SV2B: variants seen among roughly 807,000 people sequenced by gnomAD.
SV2B encodes solute carrier family 22 member B2.
SV2B carries 41 observed loss-of-function variants against 73.9 expected under a neutral mutation model. The ratio of observed to expected loss-of-function variants is 0.56; its 90% CI spans 0.43 to 0.72. The LOEUF (loss-of-function observed/expected upper bound fraction) is 0.72. SV2B is among the 30% of genes least tolerant of loss of function. The pLI is 0.00. For synonymous variants in SV2B, 314 were observed against 314.2 expected (o/e 1.00, Z 0.01); for missense variants, 764 against 857.8 (o/e 0.89, Z 1.37).
At chr15:91,248,943 C>G (rs910348646) in intron 2 of SV2B, among the ~76,000 whole-genome samples, 12 of 152,206 alleles carry the variant, frequency 7.9e-5, no homozygotes, top group African/African-American at 2.9e-4. Context: ...CAGCAAATCT[C>G]TGGAGCACTC....
rs894879079 is a variant in SV2B at position 91,223,070 on chromosome 15, G to C, written c.-391-2803G>C. ...GAGAGAATCTGTTGCAGGTTGGGAA[G>C]CCTTAGGCTTGTAGATGGCATTTGT... is the stretch of plus-strand genomic sequence containing the variant. On this transcript the variant is annotated intron_variant, in intron 1 of 12. Coordinates refer to ENST00000394232, the MANE Select transcript of SV2B (RefSeq NM_001323032.3). This position sits in a 1 kb window ranked among gnomAD's most constrained non-coding sequence, Gnocchi z 4.6. Among the ~76,000 whole-genome samples the C allele has an allele frequency of 2.0e-5, 3 of 152,172 alleles. No individual in the cohort carries two copies. Among genetic ancestry groups the C allele is most frequent in the Non-Finnish European group, 2.9e-5 (2 of 68,032 alleles).
At chr15:91,178,709 GT>G (rs1224254736) in intron 1 of SV2B, among the ~76,000 whole-genome samples, 4 of 151,162 alleles carry the variant, frequency 2.6e-5, no homozygotes. Context: ...TCTGGTGGTA[GT>G]TCGTATTTCT....
intron 1 of SV2B, among the ~76,000 whole-genome samples, chr15:91,166,049 C>A (rs1484404905): frequency 6.6e-6 from 1 of 152,156 alleles, no homozygotes; most frequent in South Asian, 2.1e-4. Flanking sequence ...TTTCTGGCTT[C>A]CATGATTTCT....
At chr15:91,198,494 TGTGTAG>T (rs2045339513) in intron 1 of SV2B, among the ~76,000 whole-genome samples, 1 of 151,046 alleles carries the variant, frequency 6.6e-6, no homozygotes, top group Non-Finnish European at 1.5e-5. Flanking sequence ...TGTGTGTGTG[TGTGTAG>T]GTGTGTGTTT....
chr15:91,144,664 A>G (rs2043094305), intron 1 of SV2B, among the ~76,000 whole-genome samples: 1 of 152,214 alleles, frequency 6.6e-6, no homozygotes, highest in African/African-American at 2.4e-5. Flanking sequence ...CCACCAAACC[A>G]TTTGCATTTC....
At chr15:91,160,184 G>A (rs985878877) in intron 1 of SV2B, among the ~76,000 whole-genome samples, 2 of 152,116 alleles carry the variant, frequency 1.3e-5, no homozygotes, top group African/African-American at 4.8e-5. Flanking sequence ...GAATCATAAT[G>A]TTATCTTTTT....
rs996743230 is a variant in SV2B, at chr15:91,118,016, C to T, written c.-392+17653C>T. Among the ~76,000 whole-genome samples the T allele has an allele frequency of 3.9e-5, 6 of 152,036 alleles. No homozygotes were observed. Among genetic ancestry groups the T allele is most frequent in the Non-Finnish European group, 7.4e-5 (5 of 68,006 alleles). Reference sequence around the variant, plus strand: ...GAGGTATCAAAACTGGCTTTGGGACCCACAACTCTAAGCCCCTGGGTCTAT... The same window carrying T: ...GAGGTATCAAAACTGGCTTTGGGACTCACAACTCTAAGCCCCTGGGTCTAT... On this transcript the variant is annotated intron_variant, in intron 1 of 12. Coordinates refer to ENST00000394232, the MANE Select transcript of SV2B (RefSeq NM_001323032.3). This position sits in a 1 kb window ranked among gnomAD's most constrained non-coding sequence, Gnocchi z 4.7.
intron 1 of SV2B, among the ~76,000 whole-genome samples, chr15:91,201,929 A>G (rs1236826392): frequency 1.3e-5 from 2 of 152,092 alleles, no homozygotes; most frequent in Non-Finnish European, 2.9e-5. Context: ...TCTATTCTCA[A>G]CATAGCAGCC....
At chr15:91,205,478 G>A (rs1010151371) in intron 1 of SV2B, among the ~76,000 whole-genome samples, 4 of 151,766 alleles carry the variant, frequency 2.6e-5, no homozygotes, top group African/African-American at 7.3e-5. Flanking sequence ...TGATTTTCCT[G>A]CCTCAGCCAC....
In SV2B at chr15:91,288,030, C is replaced by A. The variant is rs1054391293; in HGVS notation, c.1709-1491C>A. The stretch of plus-strand genomic sequence containing the variant: ...TGGGGAGGGGTACTCCAGCCACCTT[C>A]CCCTCCCAACTGATAAGAAAGTCCA... On this transcript the variant is annotated intron_variant, in intron 11 of 12. Transcript: ENST00000394232. This position sits in a 1 kb window ranked among gnomAD's most constrained non-coding sequence, Gnocchi z 5.8. Among the ~76,000 whole-genome samples the A allele has an allele frequency of 6.6e-6, 1 of 152,112 alleles. No homozygotes were observed. The highest frequency in any genetic ancestry group is 2.1e-4 in the South Asian group (1 of 4,820).
At position 91,121,800 on chromosome 15, in the gene SV2B, A is replaced by G. The variant is rs1032376288; in HGVS notation, c.-392+21437A>G. Among the ~76,000 whole-genome samples the G allele has an allele frequency of 2.8e-5, 4 of 142,502 alleles. No individual in the cohort carries two copies. The highest frequency in any genetic ancestry group is 4.5e-5 in the Non-Finnish European group (3 of 66,308). 93.5% of individuals were successfully genotyped at this position (142,502 alleles called of 152,430 possible). A position where few individuals can be genotyped will look rare whatever the true frequency, so the allele number is the denominator to read the frequency against. On this transcript the variant is annotated intron_variant, in intron 1 of 12. Coordinates refer to ENST00000394232, the MANE Select transcript of SV2B (RefSeq NM_001323032.3). This position sits in a 1 kb window ranked among gnomAD's most constrained non-coding sequence, Gnocchi z 4.4. Reference sequence around the variant, plus strand: ...GTGTTTTTTTTTTTTTTTGAGATGGAGTCTCGCTCTGTCACCCAGGCTGGA... The same window carrying G: ...GTGTTTTTTTTTTTTTTTGAGATGGGGTCTCGCTCTGTCACCCAGGCTGGA...
In SV2B at chr15:91,284,080, A is replaced by G. The variant is rs890852025; in HGVS notation, c.1567A>G (p.Lys523Glu). The change falls in exon 11 of 13, where the codon AAG becomes GAG. Residue 523 changes from lysine (K) to glutamate (E), a missense_variant. By Grantham distance (56) the Lys-to-Glu change is moderately conservative. Coordinates refer to ENST00000394232, the MANE Select transcript of SV2B (RefSeq NM_001323032.3). The surrounding 1 kb of genome is among the most constrained non-coding windows in gnomAD (Gnocchi z 4.5). ...RFINSTFLEQ[K>E]EGCHMDLEQD... ...TATCAACTCCACCTTCCTGGAGCAG[A>G]AGGAGGGCTGCCACATGGACTTGGA... is the stretch of plus-strand genomic sequence containing the variant. The G allele has an allele frequency of 6.2e-7, 1 of 1,614,146 alleles. No homozygotes were observed. Among genetic ancestry groups the G allele is most frequent in the Non-Finnish European group, 8.5e-7 (1 of 1,180,036 alleles).
At chr15:91,147,453 G>A (rs1189641904) in intron 1 of SV2B, among the ~76,000 whole-genome samples, 1 of 152,222 alleles carries the variant, frequency 6.6e-6, no homozygotes, top group Non-Finnish European at 1.5e-5. Flanking sequence ...CAGGCCATGA[G>A]GGACAGCAGG....
At chr15:91,276,061 A>G (rs1166534485) in intron 9 of SV2B, among the ~76,000 whole-genome samples, 2 of 142,418 alleles carry the variant, frequency 1.4e-5, no homozygotes, top group Non-Finnish European at 3.1e-5. Flanking sequence ...ATCTGGGTGG[A>G]CAGTTTTTTT....
At chr15:91,278,007 A>T (rs2048549183) in intron 9 of SV2B, among the ~76,000 whole-genome samples, 1 of 152,104 alleles carries the variant, frequency 6.6e-6, no homozygotes, top group Non-Finnish European at 1.5e-5. Context: ...TTATTGCCAG[A>T]CTCACTGAGG....
chr15:91,179,735 C>G (rs1313160627), intron 1 of SV2B, among the ~76,000 whole-genome samples: 1 of 151,850 alleles, frequency 6.6e-6, no homozygotes, highest in Non-Finnish European at 1.5e-5. Flanking sequence ...TTTTGTTTTC[C>G]ATTTGCTTGG....
At chr15:91,102,669 C>A (rs1292711819) in intron 1 of SV2B, among the ~76,000 whole-genome samples, 1 of 152,140 alleles carries the variant, frequency 6.6e-6, no homozygotes, top group Non-Finnish European at 1.5e-5. Context: ...TAGAGTGTAT[C>A]AGCTAATGAG....
At chr15:91,204,023 T>C (rs2045552014) in intron 1 of SV2B, among the ~76,000 whole-genome samples, 1 of 152,226 alleles carries the variant, frequency 6.6e-6, no homozygotes, top group Non-Finnish European at 1.5e-5. Flanking sequence ...GTCGAAATAA[T>C]TGAGCCCTGG....
chr15:91,193,974 G>A (rs191811914), intron 1 of SV2B, among the ~76,000 whole-genome samples: 2 of 152,104 alleles, frequency 1.3e-5, no homozygotes, highest in Admixed American at 6.5e-5. Flanking sequence ...CTGTTTGCTA[G>A]GTAATCACCA....
Sources: allele counts gnomAD v4.1 joint callset (sites outside exome capture counted in the v4.1 genomes callset), GRCh38; gene constraint gnomAD v4.1.1; non-coding constraint Gnocchi (gnomAD v3.1); transcripts MANE v1.5; gene names NCBI Gene and HGNC (gene_info 2026-07-23, HGNC 2026-07-21).